The following IGSF3 variants were observed in gnomAD, a reference collection of about 807,000 sequenced individuals.
IGSF3 encodes the protein immunoglobulin superfamily member 3.
Under a neutral mutation model 114.4 loss-of-function variants are expected in IGSF3, and 23 were observed. That is an observed-to-expected ratio of 0.20 (90% CI 0.14 to 0.28). The LOEUF (loss-of-function observed/expected upper bound fraction) is 0.28. Ranked by LOEUF, IGSF3 falls within the 10% of genes least tolerant of loss-of-function variation. The pLI is 1.00. For missense variants in IGSF3, 1,172 were observed against 1,591.5 expected, an observed-to-expected ratio of 0.74 and a Z score of 4.48; for synonymous variants, 571 against 645.2, an observed-to-expected ratio of 0.88 and a Z score of 1.74.
chr1:116,606,367 T>C lies in IGSF3; in HGVS notation c.1222+1575A>G, dbSNP rs1660792984. 11 of 1,263,976 alleles carry C rather than the reference T, an allele frequency of 8.7e-6. No homozygotes were observed. In the Admixed American group the frequency reaches 1.2e-4, roughly 14 times the overall value. 78.3% of individuals were successfully genotyped at this position (1,263,976 alleles called of 1,614,324 possible). A position where few individuals can be genotyped will look rare whatever the true frequency, so the allele number is the denominator to read the frequency against. On this transcript the variant is annotated intron_variant, in intron 5 of 10. Transcript: ENST00000369486. Reference sequence around the variant, plus strand: ...TTGGCCTCTACGAGGATTTGAGAGGTGGGAGCGGAGAAGGAGATGATATAT... The same window carrying C: ...TTGGCCTCTACGAGGATTTGAGAGGCGGGAGCGGAGAAGGAGATGATATAT...
At chr1:116,631,135 A>G (rs1231151163) in intron 2 of IGSF3, among the ~76,000 whole-genome samples, 1 of 151,666 alleles carries the variant, frequency 6.6e-6, no homozygotes, top group African/African-American at 2.4e-5. Flanking sequence ...TGGCTAACAC[A>G]GTGAAACCCC....
chr1:116,615,509 G>A lies in IGSF3; in HGVS notation c.421+571C>T, dbSNP rs1265879978. ...GACACTGGCAAACACTATGACCAGTGCTGCCCACAATGGAAGCTCCTGCAT... is the reference window on the plus strand; with the variant it reads ...GACACTGGCAAACACTATGACCAGTACTGCCCACAATGGAAGCTCCTGCAT... On this transcript the variant is annotated intron_variant, in intron 3 of 10. Coordinates refer to ENST00000369486, the MANE Select transcript of IGSF3 (RefSeq NM_001007237.3). This position sits in a 1 kb window ranked among gnomAD's most constrained non-coding sequence, Gnocchi z 4.3. Among the ~76,000 whole-genome samples, 2 of 151,740 alleles carry A rather than the reference G, an allele frequency of 1.3e-5. No homozygotes were observed. Among genetic ancestry groups the A allele is most frequent in the Non-Finnish European group, 2.9e-5 (2 of 67,802 alleles).
rs1235975467 is a variant in IGSF3, at chr1:116,583,268, G to A, written c.2848+1377C>T. Among the ~76,000 whole-genome samples the A allele has an allele frequency of 1.3e-5, 2 of 152,242 alleles. No individual in the cohort carries two copies. Among genetic ancestry groups the A allele is most frequent in the African/African-American group, 2.4e-5 (1 of 41,466 alleles). ...CAGAATGGGAGGGAGTTGAGGGAGT[G>A]GGGGCACTCAGCTGCCATTCTCTAC... On this transcript the variant is annotated intron_variant, in intron 9 of 10. Transcript: ENST00000369486. The surrounding 1 kb of genome is among the most constrained non-coding windows in gnomAD (Gnocchi z 4.5).
At position 116,666,485 on chromosome 1, in the gene IGSF3, G is replaced by C. The variant is rs1649339108; in HGVS notation, c.-159C>G. 1 of 689,054 alleles carries C rather than the reference G, an allele frequency of 1.5e-6. No homozygotes were observed. Among genetic ancestry groups the C allele is most frequent in the African/African-American group, 1.8e-5 (1 of 55,826 alleles). The allele number at this position is 689,054 out of a possible 1,614,324, so 42.7% of individuals were successfully genotyped here. A position where few individuals can be genotyped will look rare whatever the true frequency, so the allele number is the denominator to read the frequency against. ...GATTAAAAAGAAGAGATCAGAAGGA[G>C]GGAGTTGGGGGGAAGGGGAGGAGTG... is the stretch of plus-strand genomic sequence containing the variant. On this transcript the variant is annotated 5_prime_UTR_variant, in exon 2 of 11. Transcript: ENST00000369486.
intron 2 of IGSF3, among the ~76,000 whole-genome samples, chr1:116,626,030 T>G (rs890215119): frequency 3.3e-5 from 5 of 152,236 alleles, no homozygotes; most frequent in African/African-American, 1.2e-4. Context: ...ATTCCCTCAT[T>G]ACTAAATGTT....
Position 116,579,902 on chromosome 1 carries a change from G to T in IGSF3, c.2849-25C>A, listed in dbSNP as rs763756890. On this transcript the variant is annotated intron_variant, in intron 9 of 10. Coordinates refer to ENST00000369486, the MANE Select transcript of IGSF3 (RefSeq NM_001007237.3). This position sits in a 1 kb window ranked among gnomAD's most constrained non-coding sequence, Gnocchi z 6.4. ...TCTGGGGAATGACAAGGGACAAACA[G>T]GGAAGGGGTTGTTTAAATTTATTTG... The T allele has an allele frequency of 1.3e-6, 2 of 1,559,448 alleles. No homozygotes were observed. The highest frequency in any genetic ancestry group is 1.7e-6 in the Non-Finnish European group (2 of 1,158,066).
In IGSF3 at chr1:116,648,547, T is replaced by C. The variant is rs1648498940; in HGVS notation, c.43+17737A>G. 6.6e-6 allele frequency among the ~76,000 whole-genome samples: 1 copy of C among 152,202 alleles called. No individual in the cohort carries two copies. The highest frequency in any genetic ancestry group is 2.4e-5 in the African/African-American group (1 of 41,442). Reference sequence around the variant, plus strand: ...GCCTCCCAGCACTCACAAGGCCCTTTGCCCTTAGGAAAACACCATGATTCA... The same window carrying C: ...GCCTCCCAGCACTCACAAGGCCCTTCGCCCTTAGGAAAACACCATGATTCA... On this transcript the variant is annotated intron_variant, in intron 2 of 10. Coordinates refer to ENST00000369486, the MANE Select transcript of IGSF3 (RefSeq NM_001007237.3). This position sits in a 1 kb window ranked among gnomAD's most constrained non-coding sequence, Gnocchi z 4.7.
In IGSF3 at chr1:116,627,635, C is replaced by G. The variant is rs1292190723; in HGVS notation, c.44-11178G>C. Among the ~76,000 whole-genome samples the G allele has an allele frequency of 6.6e-6, 1 of 152,234 alleles. No individual in the cohort carries two copies. Among genetic ancestry groups the G allele is most frequent in the African/African-American group, 2.4e-5 (1 of 41,450 alleles). ...GCAGGCAGCGTCAGGATGTCAGCTA[C>G]CAGGCAGCAGAGGGATGCGGGGCGC... On this transcript the variant is annotated intron_variant, in intron 2 of 10. Coordinates refer to ENST00000369486, the MANE Select transcript of IGSF3 (RefSeq NM_001007237.3). This position sits in a 1 kb window ranked among gnomAD's most constrained non-coding sequence, Gnocchi z 4.7.
chr1:116,666,475 A>G lies in IGSF3; in HGVS notation c.-149T>C, dbSNP rs577878588. 2.7e-6 allele frequency: 2 copies of G among 750,580 alleles called. No individual in the cohort carries two copies. Among genetic ancestry groups the G allele is most frequent in the African/African-American group, 3.5e-5 (2 of 57,398 alleles). 46.5% of individuals were successfully genotyped at this position (750,580 alleles called of 1,614,324 possible). On this transcript the variant is annotated 5_prime_UTR_variant, in exon 2 of 11. Coordinates refer to ENST00000369486, the MANE Select transcript of IGSF3 (RefSeq NM_001007237.3). The stretch of plus-strand genomic sequence containing the variant: ...AATGGGAACAGATTAAAAAGAAGAG[A>G]TCAGAAGGAGGGAGTTGGGGGGAAG...
chr1:116,588,598 A>G lies in IGSF3; in HGVS notation c.2440+96T>C. On this transcript the variant is annotated intron_variant, in intron 8 of 10. Coordinates refer to ENST00000369486, the MANE Select transcript of IGSF3 (RefSeq NM_001007237.3). This position sits in a 1 kb window ranked among gnomAD's most constrained non-coding sequence, Gnocchi z 4.9. Reference sequence around the variant, plus strand: ...CATACTCAGCATGCACCTTGCAGACAGTCTCTCCACACCAGCCCCACAGAT... The same window carrying G: ...CATACTCAGCATGCACCTTGCAGACGGTCTCTCCACACCAGCCCCACAGAT... 1.7e-6 allele frequency: 2 copies of G among 1,167,022 alleles called. No individual in the cohort carries two copies. The highest frequency in any genetic ancestry group is 4.9e-5 in the East Asian group (2 of 40,784). 72.3% of individuals were successfully genotyped at this position (1,167,022 alleles called of 1,614,324 possible). A position where few individuals can be genotyped will look rare whatever the true frequency, so the allele number is the denominator to read the frequency against.
In IGSF3 at chr1:116,607,728, C is replaced by A. The variant is rs1660842726; in HGVS notation, c.1222+214G>T. ...TAGACTGCCCTGATTCTGGACACCCCTGATCCTGATCCTCTGCTATGGGGA... is the reference window on the plus strand; with the variant it reads ...TAGACTGCCCTGATTCTGGACACCCATGATCCTGATCCTCTGCTATGGGGA... On this transcript the variant is annotated intron_variant, in intron 5 of 10. Transcript: ENST00000369486. This position sits in a 1 kb window ranked among gnomAD's most constrained non-coding sequence, Gnocchi z 6.1. Among the ~76,000 whole-genome samples the A allele has an allele frequency of 6.6e-6, 1 of 152,198 alleles. No homozygotes were observed. Among genetic ancestry groups the A allele is most frequent in the Admixed American group, 6.5e-5 (1 of 15,284 alleles).
chr1:116,666,941 C>A lies in IGSF3; in HGVS notation c.-615G>T. On this transcript the variant is annotated 5_prime_UTR_variant, in exon 2 of 11. Transcript: ENST00000369486. ...GTTCGGCAGCCCTGAAGCGGTACCC[C>A]AGCGCGAGCAGATTTCTAAAACAAA... is the stretch of plus-strand genomic sequence containing the variant. The A allele has an allele frequency of 2.5e-6, 1 of 402,030 alleles. No individual in the cohort carries two copies. Among genetic ancestry groups the A allele is most frequent in the South Asian group, 1.3e-4 (1 of 7,702 alleles). 24.9% of individuals were successfully genotyped at this position (402,030 alleles called of 1,614,324 possible). A position where few individuals can be genotyped will look rare whatever the true frequency, so the allele number is the denominator to read the frequency against.
In IGSF3 at chr1:116,618,853, C is replaced by A. The variant is rs1661315118; in HGVS notation, c.44-2396G>T. Among the ~76,000 whole-genome samples, 1 of 152,148 alleles carries A rather than the reference C, an allele frequency of 6.6e-6. No individual in the cohort carries two copies. The highest frequency in any genetic ancestry group is 1.5e-5 in the Non-Finnish European group (1 of 68,026). On this transcript the variant is annotated intron_variant, in intron 2 of 10. Coordinates refer to ENST00000369486, the MANE Select transcript of IGSF3 (RefSeq NM_001007237.3). This position sits in a 1 kb window ranked among gnomAD's most constrained non-coding sequence, Gnocchi z 4.7. ...ATGACAGCGCAACTACAACCAACCC[C>A]CATACATCTCCTGCAAAGAAGGCTA... is the stretch of plus-strand genomic sequence containing the variant.
chr1:116,622,029 C>T (rs1049461365), intron 2 of IGSF3, among the ~76,000 whole-genome samples: 1 of 152,138 alleles, frequency 6.6e-6, no homozygotes, highest in African/African-American at 2.4e-5. Flanking sequence ...TGGAATATGC[C>T]TTGGCTCAGA....
chr1:116,607,827 A>AC lies in IGSF3; in HGVS notation c.1222+114dup. On this transcript the variant is annotated intron_variant, in intron 5 of 10. Transcript: ENST00000369486. The surrounding 1 kb of genome is among the most constrained non-coding windows in gnomAD (Gnocchi z 6.1). ...TGGTTTTTCCCCCAGCTCTGCATTAACCTCGAGGGTTCCATCTGCCTCCCC... is the reference window on the plus strand; with the variant it reads ...TGGTTTTTCCCCCAGCTCTGCATTAACCCTCGAGGGTTCCATCTGCCTCCCC... 1.9e-6 allele frequency: 2 copies of AC among 1,038,614 alleles called. No homozygotes were observed. Among genetic ancestry groups the AC allele is most frequent in the Non-Finnish European group, 2.9e-6 (2 of 687,596 alleles). The allele number at this position is 1,038,614 out of a possible 1,614,324, so 64.3% of individuals were successfully genotyped here. A position where few individuals can be genotyped will look rare whatever the true frequency, so the allele number is the denominator to read the frequency against.
intron 8 of IGSF3, among the ~76,000 whole-genome samples, chr1:116,586,520 C>CT (rs1398176491): frequency 6.6e-6 from 1 of 152,124 alleles, no homozygotes; most frequent in African/African-American, 2.4e-5. Flanking sequence ...ACGAGGAAAG[C>CT]TGTTTTACTC....
At position 116,615,610 on chromosome 1, in the gene IGSF3, G is replaced by A. The variant is rs1571160131; in HGVS notation, c.421+470C>T. ...CAGTTCATAGTTCCTTACGCATGGA[G>A]CCAAAGGACCTTCAATGTACAAGGT... is the stretch of plus-strand genomic sequence containing the variant. On this transcript the variant is annotated intron_variant, in intron 3 of 10. Coordinates refer to ENST00000369486, the MANE Select transcript of IGSF3 (RefSeq NM_001007237.3). The surrounding 1 kb of genome is among the most constrained non-coding windows in gnomAD (Gnocchi z 4.3). 3.3e-5 allele frequency among the ~76,000 whole-genome samples: 5 copies of A among 152,306 alleles called. No homozygotes were observed. In the East Asian group the frequency reaches 9.7e-4, roughly 29 times the overall value.
chr1:116,661,883 T>C lies in IGSF3; in HGVS notation c.43+4401A>G, dbSNP rs1053913479. 6.6e-6 allele frequency among the ~76,000 whole-genome samples: 1 copy of C among 152,170 alleles called. No homozygotes were observed. Among genetic ancestry groups the C allele is most frequent in the Non-Finnish European group, 1.5e-5 (1 of 68,032 alleles). ...AGAATGTTAGTGGAAGTGATGTATA[T>C]AACTTCCAGGAAGTATCCTTACATT... On this transcript the variant is annotated intron_variant, in intron 2 of 10. Coordinates refer to ENST00000369486, the MANE Select transcript of IGSF3 (RefSeq NM_001007237.3). This position sits in a 1 kb window ranked among gnomAD's most constrained non-coding sequence, Gnocchi z 4.0.
Position 116,649,684 on chromosome 1 carries a change from T to C in IGSF3, c.43+16600A>G, listed in dbSNP as rs1316935998. ...AACTTGTCACTGGCCTTTTACTTTC[T>C]TCCCCTTCCAAAGAACCTGGTACCC... is the stretch of plus-strand genomic sequence containing the variant. On this transcript the variant is annotated intron_variant, in intron 2 of 10. Transcript: ENST00000369486. The surrounding 1 kb of genome is among the most constrained non-coding windows in gnomAD (Gnocchi z 4.5). 1.3e-5 allele frequency among the ~76,000 whole-genome samples: 2 copies of C among 152,216 alleles called. No homozygotes were observed. Among genetic ancestry groups the C allele is most frequent in the African/African-American group, 2.4e-5 (1 of 41,456 alleles).
Sources: allele counts gnomAD v4.1 joint callset (sites outside exome capture counted in the v4.1 genomes callset), GRCh38; gene constraint gnomAD v4.1.1; non-coding constraint Gnocchi (gnomAD v3.1); transcripts MANE v1.5; gene names NCBI Gene and HGNC (gene_info 2026-07-23, HGNC 2026-07-21).